FHOD3: variants seen among roughly 807,000 people sequenced by gnomAD.
FHOD3 encodes the protein FH1/FH2 domain-containing protein 3.
FHOD3 carries 90 observed loss-of-function variants against 173.0 expected under a neutral mutation model. The observed-to-expected ratio is 0.52, with a 90% CI of 0.44 to 0.62. FHOD3 has a LOEUF of 0.62. Among genes scored for constraint, FHOD3 ranks in the 20% least tolerant of loss-of-function variants. FHOD3 has a pLI of 0.00. For missense variants in FHOD3, 1,945 were observed against 2,034.7 expected (o/e 0.96, Z 0.85); for synonymous variants, 828 against 823.0 (o/e 1.01, Z -0.10).
chr18:36,549,042 T>A (rs1304819913), intron 5 of FHOD3, among the ~76,000 whole-genome samples: 1 of 152,220 alleles, frequency 6.6e-6, no homozygotes, highest in Non-Finnish European at 1.5e-5. Flanking sequence ...TCCACACTAG[T>A]GTTGTATGAG....
chr18:36,674,141 T>A (rs2037703623), intron 14 of FHOD3, among the ~76,000 whole-genome samples: 1 of 152,246 alleles, frequency 6.6e-6, no homozygotes, highest in Non-Finnish European at 1.5e-5. Flanking sequence ...GGGAACTTTC[T>A]ATTGCTTCTG....
intron 18 of FHOD3, among the ~76,000 whole-genome samples, chr18:36,714,811 G>C (rs2040359744): frequency 1.3e-5 from 2 of 152,124 alleles, no homozygotes; most frequent in Admixed American, 6.5e-5. Context: ...CCTAAAAGAG[G>C]GTTCAGTAGC....
intron 10 of FHOD3, among the ~76,000 whole-genome samples, chr18:36,637,622 T>C (rs528505873): frequency 6.6e-6 from 1 of 152,340 alleles, no homozygotes; most frequent in South Asian, 2.1e-4. Flanking sequence ...ACATGAACCT[T>C]ACAAAACATA....
intron 20 of FHOD3, among the ~76,000 whole-genome samples, chr18:36,733,036 T>TA (rs1257768840): frequency 6.6e-6 from 1 of 152,182 alleles, no homozygotes; most frequent in Non-Finnish European, 1.5e-5. Context: ...AGAGGGAAAT[T>TA]AACATTGCCG....
intron 28 of FHOD3, among the ~76,000 whole-genome samples, chr18:36,769,826 T>G (rs1380944234): frequency 6.6e-6 from 1 of 152,096 alleles, no homozygotes; most frequent in Non-Finnish European, 1.5e-5. Context: ...GGGGCGCTTG[T>G]GGGGCTGGAG....
Position 36,437,682 on chromosome 18 carries a change from T to TTTTTTTTTTTTTTTTTTTTA in FHOD3, c.338-64250_338-64249insTTTTTTTTTTTTTTTTTTTA, listed in dbSNP as rs71168224. Reference sequence around the variant, plus strand: ...CTTTCTTTCTTTTTTTTTTTTTTTTTAAGACAGAGTCTTGCTCTGTCGCCA... The same window carrying TTTTTTTTTTTTTTTTTTTTA: ...CTTTCTTTCTTTTTTTTTTTTTTTTTTTTTTTTTTTTTTTTTTTTAAAGACAGAGTCTTGCTCTGTCGCCA... On this transcript the variant is annotated intron_variant, in intron 3 of 28. Coordinates refer to ENST00000590592, the MANE Select transcript of FHOD3 (RefSeq NM_001281740.3). Among the ~76,000 whole-genome samples the TTTTTTTTTTTTTTTTTTTTA allele has an allele frequency of 1.9e-4, 25 of 129,602 alleles. 1 individual carries two copies. Among genetic ancestry groups the TTTTTTTTTTTTTTTTTTTTA allele is most frequent in the Non-Finnish European group, 3.0e-4 (18 of 60,612 alleles). 85.0% of individuals were successfully genotyped at this position (129,602 alleles called of 152,430 possible). A position where few individuals can be genotyped will look rare whatever the true frequency, so the allele number is the denominator to read the frequency against.
rs140698765 is a variant in FHOD3 at position 36,582,662 on chromosome 18, A to G, written c.606+6117A>G. Among the ~76,000 whole-genome samples, 289 of 152,332 alleles carry G rather than the reference A, an allele frequency of 1.9e-3. 1 individual carries two copies. The highest frequency in any genetic ancestry group is 6.6e-3 in the African/African-American group (274 of 41,570). On this transcript the variant is annotated intron_variant, in intron 6 of 28. Transcript: ENST00000590592. ...GCTAAACTTGATGGCTGCTACAGAT[A>G]GTACTTGGGGATATAATTTTCAGCT...
At chr18:36,521,289 C>T (rs1255057951) in intron 5 of FHOD3, among the ~76,000 whole-genome samples, 1 of 152,174 alleles carries the variant, frequency 6.6e-6, no homozygotes, top group Admixed American at 6.5e-5. Flanking sequence ...GCCCTGGCTA[C>T]TCTCCAATGC....
chr18:36,481,176 G>T (rs1324086511), intron 3 of FHOD3, among the ~76,000 whole-genome samples: 5 of 151,974 alleles, frequency 3.3e-5, no homozygotes, highest in African/African-American at 1.2e-4. Context: ...AAGGAAGGAG[G>T]GGAGCGGTGG....
chr18:36,319,352 A>G (rs774638766), intron 1 of FHOD3, among the ~76,000 whole-genome samples: 10 of 152,216 alleles, frequency 6.6e-5, no homozygotes, highest in Non-Finnish European at 1.5e-4. Flanking sequence ...CTCTGATAAA[A>G]CAGACTTTAA....
At position 36,576,546 on chromosome 18, in the gene FHOD3, G is replaced by A. The variant is rs1295454667; in HGVS notation, c.606+1G>A. 1.9e-6 allele frequency: 3 copies of A among 1,608,146 alleles called. No homozygotes were observed. Among genetic ancestry groups the A allele is most frequent in the African/African-American group, 1.3e-5 (1 of 74,686 alleles). On this transcript the variant is annotated splice_donor_variant, in intron 6 of 28. Transcript: ENST00000590592. LOFTEE classifies it high-confidence loss of function. The stretch of plus-strand genomic sequence containing the variant: ...GCTGTACACTCTCATTGGGTCAAAG[G>A]TAAGGGGAAGTTATGGTTGACTGTT...
At chr18:36,671,069 G>A (rs1432514952) in intron 14 of FHOD3, among the ~76,000 whole-genome samples, 1 of 152,200 alleles carries the variant, frequency 6.6e-6, no homozygotes, top group Non-Finnish European at 1.5e-5. Context: ...TTCTTTCACT[G>A]GCCACAGATT....
At chr18:36,558,823 T>C (rs1385002477) in intron 5 of FHOD3, among the ~76,000 whole-genome samples, 1 of 152,248 alleles carries the variant, frequency 6.6e-6, no homozygotes, top group Non-Finnish European at 1.5e-5. Flanking sequence ...ATTGGAACTT[T>C]ATAAAAGTAT....
At chr18:36,392,748 T>G (rs1374128093) in intron 3 of FHOD3, among the ~76,000 whole-genome samples, 1 of 152,264 alleles carries the variant, frequency 6.6e-6, no homozygotes, top group African/African-American at 2.4e-5. Flanking sequence ...ATAGATTCTT[T>G]TTCCTTTGGC....
intron 14 of FHOD3, among the ~76,000 whole-genome samples, chr18:36,669,066 A>G (rs185253496): frequency 2.0e-5 from 3 of 152,052 alleles, no homozygotes; most frequent in Admixed American, 2.0e-4. Context: ...AGAGTAATAA[A>G]CTGCATTCTA....
intron 1 of FHOD3, among the ~76,000 whole-genome samples, chr18:36,322,730 G>C (rs1568120893): frequency 6.6e-6 from 1 of 152,176 alleles, no homozygotes; most frequent in Non-Finnish European, 1.5e-5. Flanking sequence ...GTCCCTACCT[G>C]CTGTCCACCT....
intron 3 of FHOD3, among the ~76,000 whole-genome samples, chr18:36,432,852 G>A (rs2050625852): frequency 6.6e-6 from 1 of 152,168 alleles, no homozygotes; most frequent in African/African-American, 2.4e-5. Flanking sequence ...TTTATTTTTG[G>A]TTTTATGATT....
rs530750696 is a variant in FHOD3 at position 36,414,191 on chromosome 18, G to C, written c.337+41447G>C. Among the ~76,000 whole-genome samples, 10 of 152,294 alleles carry C rather than the reference G, an allele frequency of 6.6e-5. No homozygotes were observed. The East Asian group carries it at 1.7e-3, about 26-fold the overall frequency. ...AAGATGACTGAATTCTTGAGGACCC[G>C]TCATGTATCAAGCACAGGAGTAGCT... On this transcript the variant is annotated intron_variant, in intron 3 of 28. Coordinates refer to ENST00000590592, the MANE Select transcript of FHOD3 (RefSeq NM_001281740.3).
intron 7 of FHOD3, among the ~76,000 whole-genome samples, chr18:36,601,804 C>T (rs1288250965): frequency 6.6e-6 from 1 of 152,242 alleles, no homozygotes; most frequent in African/African-American, 2.4e-5. Context: ...AAATATTCAT[C>T]TTGGGCCTAG....
Sources: gnomAD v4.1 joint callset for allele counts (sites outside exome capture counted in the v4.1 genomes callset) on GRCh38, gnomAD v4.1.1 for gene constraint, MANE v1.5 for transcripts, NCBI Gene and HGNC (gene_info 2026-07-23, HGNC 2026-07-21) for gene names.